SYTL2: variants seen among roughly 807,000 people sequenced by gnomAD.
SYTL2 encodes the protein synaptotagmin-like protein 2.
SYTL2 carries 165 observed loss-of-function variants against 198.7 expected under a neutral mutation model. The ratio of observed to expected loss-of-function variants is 0.83; its 90% CI spans 0.73 to 0.94. The LOEUF is 0.94. Ranked by LOEUF, SYTL2 falls within the 40% of genes least tolerant of loss-of-function variation. The pLI, the probability that SYTL2 is intolerant of heterozygous loss-of-function variation, is 0.00. For synonymous variants in SYTL2, 966 were observed against 917.7 expected (o/e 1.05, Z -0.95); for missense variants, 2,835 against 2,582.8 (o/e 1.10, Z -2.12).
the SYTL2 span, among the ~76,000 whole-genome samples, chr11:85,850,246 G>A: frequency 6.6e-6 from 1 of 151,022 alleles, no homozygotes; most frequent in Non-Finnish European, 1.5e-5. Flanking sequence ...GGGACAATTT[G>A]ACTTCCTCTT....
intron 7 of SYTL2, among the ~76,000 whole-genome samples, chr11:85,729,177 T>C (rs1209600003): frequency 6.6e-6 from 1 of 152,168 alleles, no homozygotes; most frequent in Non-Finnish European, 1.5e-5. Context: ...ATTACACAGA[T>C]CAACGATACA....
intron 1 of SYTL2, among the ~76,000 whole-genome samples, chr11:85,800,372 C>T (rs1267276117): frequency 6.6e-6 from 1 of 152,168 alleles, no homozygotes; most frequent in African/African-American, 2.4e-5. Flanking sequence ...ATATCCCAGG[C>T]TCAAGTGATC....
intron 19 of SYTL2, 45 bp from the exon 20 acceptor site, chr11:85,695,385 G>A (rs760981619): frequency 4.7e-6 from 7 of 1,483,166 alleles, no homozygotes; most frequent in Non-Finnish European, 6.3e-6. Context: ...AGCTCATTGG[G>A]GGTAGGGGAA....
At chr11:85,728,189 G>A (rs973012675) in intron 7 of SYTL2, among the ~76,000 whole-genome samples, 2 of 152,172 alleles carry the variant, frequency 1.3e-5, no homozygotes, top group South Asian at 2.1e-4. Context: ...TAGAGACCTG[G>A]AAGTACATGG....
intron 5 of SYTL2, among the ~76,000 whole-genome samples, 169 bp downstream of exon 5, chr11:85,737,406 T>C (rs747187870): frequency 3.9e-5 from 6 of 152,208 alleles, no homozygotes; most frequent in African/African-American, 1.2e-4. Flanking sequence ...TTTTCCACCA[T>C]GAGAGTGACT....
intron 1 of SYTL2, among the ~76,000 whole-genome samples, chr11:85,772,425 T>G (rs1459914610): frequency 6.6e-6 from 1 of 152,224 alleles, no homozygotes; most frequent in Non-Finnish European, 1.5e-5. Flanking sequence ...TTGCTATCTA[T>G]GAAGTCCTAT....
the SYTL2 span, among the ~76,000 whole-genome samples, chr11:85,817,407 T>A: frequency 6.6e-6 from 1 of 152,060 alleles, no homozygotes; most frequent in Non-Finnish European, 1.5e-5. Context: ...GTAAAATATA[T>A]ACACACACAC....
Position 85,704,734 on chromosome 11 carries a change from C to T in SYTL2, c.6189+124G>A, listed in dbSNP as rs1236605357. ...ACCTTTTTTACCTTTCTTTTTTTTC[C>T]TCTAGTTTAAAATTCTCCCAAACTA... On this transcript the variant is annotated intron_variant, in intron 16 of 19. Coordinates refer to ENST00000359152, the MANE Select transcript of SYTL2 (RefSeq NM_206927.4). 1.3e-4 allele frequency: 87 copies of T among 670,322 alleles called. No individual in the cohort carries two copies. In the Admixed American group the frequency reaches 1.6e-3, roughly 12 times the overall value. The allele number at this position is 670,322 out of a possible 1,614,324, so 41.5% of individuals were successfully genotyped here. A position where few individuals can be genotyped will look rare whatever the true frequency, so the allele number is the denominator to read the frequency against.
chr11:85,853,403 G>A, the SYTL2 span: 3 of 423,166 alleles, frequency 7.1e-6, no homozygotes, highest in Non-Finnish European at 4.7e-6. Context: ...TGTCCACTCA[G>A]GGTTAAATGG....
At position 85,727,976 on chromosome 11, in the gene SYTL2, T is replaced by G. The variant is rs200235154; in HGVS notation, c.1391-9A>C. 1.9e-6 allele frequency: 3 copies of G among 1,561,194 alleles called. No individual in the cohort carries two copies. Among genetic ancestry groups the G allele is most frequent in the Admixed American group, 4.3e-5 (2 of 46,802 alleles). ...ACAATGAGACAGTTCATCTGCAACA[T>G]AGAAATACTTTTCTAAATAAGAAAA... is the stretch of plus-strand genomic sequence containing the variant. On this transcript the variant is annotated splice_polypyrimidine_tract_variant and intron_variant, in intron 7 of 19. Coordinates refer to ENST00000359152, the MANE Select transcript of SYTL2 (RefSeq NM_206927.4).
the SYTL2 span, among the ~76,000 whole-genome samples, chr11:85,845,456 CTAAT>C: frequency 6.6e-6 from 1 of 152,262 alleles, no homozygotes; most frequent in Admixed American, 6.5e-5. Context: ...ACTAACAAAA[CTAAT>C]TAGTTTAAAA....
chr11:85,827,323 T>C, the SYTL2 span, among the ~76,000 whole-genome samples: 11 of 152,076 alleles, frequency 7.2e-5, no homozygotes, highest in Non-Finnish European at 1.0e-4. Context: ...TCTGCACCGG[T>C]CCTAGCTTTA....
In SYTL2 at chr11:85,724,355, T is replaced by G. The variant is rs1301403559; in HGVS notation, c.5003A>C (p.Tyr1668Ser). Reference protein sequence around the residue: ...GVEIPRTPQLYVAHEIGTIKT... With the variant: ...GVEIPRTPQLSVAHEIGTIKT... ...AATGGTCCCTATTTCATGAGCCACA[T>G]AAAGTTGTGGGGTTCTAGGGATCTC... The change falls in exon 8 of 20, where the codon TAT becomes TCT. Residue 1668 changes from tyrosine to serine, a missense_variant. Physicochemically the swap from Tyr to Ser is moderately radical, Grantham distance 144. This residue lies in a region of SYTL2 where 2,645 missense variants were observed against 2,381.7 expected (regional missense o/e 1.11). Transcript: ENST00000359152. 1.3e-6 allele frequency: 2 copies of G among 1,586,950 alleles called. No homozygotes were observed. The highest frequency in any genetic ancestry group is 1.7e-6 in the Non-Finnish European group (2 of 1,169,250).
chr11:85,797,017 C>T (rs2153638202), intron 1 of SYTL2, among the ~76,000 whole-genome samples: 1 of 152,198 alleles, frequency 6.6e-6, no homozygotes, highest in South Asian at 2.1e-4. Flanking sequence ...AGCAATACCC[C>T]ATCTCTATAA....
At chr11:85,704,835 C>A in intron 16 of SYTL2, 23 bp downstream of exon 16, 1 of 1,606,316 alleles carries the variant, frequency 6.2e-7, no homozygotes. Flanking sequence ...ACCAAATAAA[C>A]AAACAAAAAA....
chr11:85,737,771 A>T (rs1412721432), intron 4 of SYTL2, 115 bp from the exon 5 acceptor site: 1 of 785,136 alleles, frequency 1.3e-6, no homozygotes, highest in East Asian at 2.7e-5. Flanking sequence ...GTGCAGAAGA[A>T]TAAGAAGGAT....
chr11:85,736,462 C>T, intron 6 of SYTL2, 39 bp downstream of exon 6: 1 of 1,113,888 alleles, frequency 9.0e-7, no homozygotes, highest in East Asian at 2.5e-5. Flanking sequence ...CCACAGATAA[C>T]AAAGATAAAA....
At chr11:85,700,676 C>G (rs546213036) in intron 16 of SYTL2, 83 bp from the exon 17 acceptor site, 2 of 1,028,292 alleles carry the variant, frequency 1.9e-6, no homozygotes, top group East Asian at 4.7e-5. Flanking sequence ...AGAACCATAT[C>G]TGTCCCATTT....
chr11:85,727,086 C>A lies in SYTL2; in HGVS notation c.2272G>T (p.Val758Phe). ...EPENIKSTPG[V>F]ANNGSPWKKP... ...TTCCAAGGAGAGCCATTGTTGGCAA[C>A]CCCAGGTGTTGACTTAATATTCTCT... Residue 758 changes from valine (V) to phenylalanine (F), a missense_variant, in exon 8 of 20, where the codon GTT (valine) becomes TTT (phenylalanine). By Grantham distance (50) the Val-to-Phe change is conservative. Coordinates refer to ENST00000359152, the MANE Select transcript of SYTL2 (RefSeq NM_206927.4). 6.5e-7 allele frequency: 1 copy of A among 1,535,902 alleles called. No individual in the cohort carries two copies. The highest frequency in any genetic ancestry group is 8.7e-7 in the Non-Finnish European group (1 of 1,146,812).
Sources: gnomAD v4.1 joint callset for allele counts (sites outside exome capture counted in the v4.1 genomes callset) on GRCh38, gnomAD v4.1.1 for gene constraint, gnomAD v4.1.1 regional missense constraint, MANE v1.5 for transcripts, NCBI Gene and HGNC (gene_info 2026-07-23, HGNC 2026-07-21) for gene names.